REPS1: variants seen among roughly 807,000 people sequenced by gnomAD.
The protein encoded by REPS1 is ralBP1-associated Eps domain-containing protein 1.
A neutral mutation model predicts 100.9 loss-of-function variants in REPS1; 39 were observed. The observed-to-expected ratio is 0.39, with a 90% confidence interval of 0.30 to 0.50. REPS1 has a LOEUF of 0.50. REPS1 is among the 20% of genes least tolerant of loss of function. The pLI, the probability that REPS1 is intolerant of heterozygous loss-of-function variation, is 0.86. For missense variants in REPS1, 821 were observed against 968.5 expected (o/e 0.85, Z 2.02); for synonymous variants, 324 against 340.3 (o/e 0.95, Z 0.53).
intron 1 of REPS1, among the ~76,000 whole-genome samples, chr6:138,978,585 C>T (rs1784735146): frequency 6.6e-6 from 1 of 152,032 alleles, no homozygotes; most frequent in Non-Finnish European, 1.5e-5. Flanking sequence ...GCTAGGATTA[C>T]AGGCATAAGT....
chr6:138,926,786 A>G lies in REPS1; in HGVS notation c.1258-305T>C, dbSNP rs575945577. ...CAGGAGCAAAGTCTAAGTGATATAA[A>G]TGTCCACCAAGTAAAAATGCTAAAG... On this transcript the variant is annotated intron_variant, in intron 9 of 19. Coordinates refer to ENST00000450536, the MANE Select transcript of REPS1 (RefSeq NM_001286611.2). 8.1e-4 allele frequency: 161 copies of G among 199,850 alleles called. 1 individual carries two copies. Among genetic ancestry groups the G allele is most frequent in the African/African-American group, 3.6e-3 (153 of 43,012 alleles). The allele number at this position is 199,850 out of a possible 1,614,324, so 12.4% of individuals were successfully genotyped here. A position where few individuals can be genotyped will look rare whatever the true frequency, so the allele number is the denominator to read the frequency against.
rs71013004 is a variant in REPS1 at position 138,969,269 on chromosome 6, A to ATTTTTTTTTTTTTTTT, written c.153+18245_153+18260dup. 3.5e-3 allele frequency among the ~76,000 whole-genome samples: 262 copies of ATTTTTTTTTTTTTTTT among 74,242 alleles called. 35 individuals carry two copies. The highest frequency in any genetic ancestry group is 0.014 in the East Asian group (27 of 1,946). 48.7% of individuals were successfully genotyped at this position (74,242 alleles called of 152,430 possible). A position where few individuals can be genotyped will look rare whatever the true frequency, so the allele number is the denominator to read the frequency against. On this transcript the variant is annotated intron_variant, in intron 1 of 19. Coordinates refer to ENST00000450536, the MANE Select transcript of REPS1 (RefSeq NM_001286611.2). ...ACACAATCTATGATACAAAGCTGTA[A>ATTTTTTTTTTTTTTTT]TTTTTTTTTTTTTTTTTTTTTTTTT...
intron 1 of REPS1, among the ~76,000 whole-genome samples, chr6:138,983,703 A>G (rs765720746): frequency 1.3e-5 from 2 of 152,162 alleles, no homozygotes; most frequent in Non-Finnish European, 2.9e-5. Flanking sequence ...TACTGTACCA[A>G]CCAAGGTCCT....
At chr6:138,905,333 G>A (rs564473082) in intron 19 of REPS1, among the ~76,000 whole-genome samples, 18 of 152,242 alleles carry the variant, frequency 1.2e-4, no homozygotes, top group African/African-American at 3.1e-4. Context: ...CGCCCAGGCC[G>A]GACTGCGGAC....
chr6:138,947,290 A>G (rs1782698586), intron 2 of REPS1, among the ~76,000 whole-genome samples: 1 of 152,170 alleles, frequency 6.6e-6, no homozygotes, highest in Admixed American at 6.6e-5. Context: ...TAGTCTGCCA[A>G]TATTTTAATA....
chr6:138,949,616 C>T (rs1782866730), intron 1 of REPS1, among the ~76,000 whole-genome samples: 1 of 151,796 alleles, frequency 6.6e-6, no homozygotes, highest in South Asian at 2.1e-4. Flanking sequence ...ATTCTAAGTA[C>T]TCGGGGGGCT....
At chr6:138,906,602 A>G (rs574354665) in intron 19 of REPS1, among the ~76,000 whole-genome samples, 1 of 152,238 alleles carries the variant, frequency 6.6e-6, no homozygotes, top group Non-Finnish European at 1.5e-5. Context: ...GGACAGTGTA[A>G]TAAATGCTAA....
At chr6:138,906,412 T>C (rs1272536638) in intron 19 of REPS1, among the ~76,000 whole-genome samples, 2 of 152,198 alleles carry the variant, frequency 1.3e-5, no homozygotes, top group Non-Finnish European at 2.9e-5. Flanking sequence ...ACAATCCCAG[T>C]TTATACCCAG....
intron 10 of REPS1, among the ~76,000 whole-genome samples, chr6:138,925,514 GATC>G (rs1256432174): frequency 2.6e-5 from 4 of 152,284 alleles, no homozygotes; most frequent in East Asian, 1.9e-4. Context: ...TCTTTGATCA[GATC>G]ATCTAGAAAG....
rs970425740 is a variant in REPS1, at chr6:138,987,907, CGCGGCTGCGGCT to C, written c.-237_-226del. 12 of 399,980 alleles carry C rather than the reference CGCGGCTGCGGCT, an allele frequency of 3.0e-5. No homozygotes were observed. Among genetic ancestry groups the C allele is most frequent in the Non-Finnish European group, 4.6e-5 (11 of 237,072 alleles). 24.8% of individuals were successfully genotyped at this position (399,980 alleles called of 1,614,324 possible). A position where few individuals can be genotyped will look rare whatever the true frequency, so the allele number is the denominator to read the frequency against. On this transcript the variant is annotated 5_prime_UTR_variant, in exon 1 of 20. Coordinates refer to ENST00000450536, the MANE Select transcript of REPS1 (RefSeq NM_001286611.2). The stretch of plus-strand genomic sequence containing the variant: ...GCGCCGCTGCCTGCGAGGCCCGGCG[CGCGGCTGCGGCT>C]GCGGCTGCGACTACGGCTCCGGCTC...
rs1459853628 is a variant in REPS1 at position 138,911,046 on chromosome 6, G to A, written c.2067+230C>T. On this transcript the variant is annotated intron_variant, in intron 17 of 19. Coordinates refer to ENST00000450536, the MANE Select transcript of REPS1 (RefSeq NM_001286611.2). ...AAAGAAGTTCTACCTTATATAGTGGGAAGAATGCAATAACCACTTAAATTT... is the reference window on the plus strand; with the variant it reads ...AAAGAAGTTCTACCTTATATAGTGGAAAGAATGCAATAACCACTTAAATTT... 5 of 406,800 alleles carry A rather than the reference G, an allele frequency of 1.2e-5. No individual in the cohort carries two copies. In the Admixed American group the frequency reaches 1.6e-4, roughly 13 times the overall value. The allele number at this position is 406,800 out of a possible 1,614,324, so 25.2% of individuals were successfully genotyped here.
chr6:138,934,657 A>G (rs1447026642), intron 8 of REPS1, among the ~76,000 whole-genome samples: 1 of 152,180 alleles, frequency 6.6e-6, no homozygotes, highest in Non-Finnish European at 1.5e-5. Context: ...ATTATACTTG[A>G]TATACTAAAA....
In REPS1 at chr6:138,987,097, C is replaced by T. The variant is rs368271033; in HGVS notation, c.153+433G>A. ...TCGATTCCTAAATCTATAGAACTCACTTTATCACGTCTTCTCGGTTAATCC... is the reference window on the plus strand; with the variant it reads ...TCGATTCCTAAATCTATAGAACTCATTTTATCACGTCTTCTCGGTTAATCC... On this transcript the variant is annotated intron_variant, in intron 1 of 19. Coordinates refer to ENST00000450536, the MANE Select transcript of REPS1 (RefSeq NM_001286611.2). 2.0e-5 allele frequency among the ~76,000 whole-genome samples: 3 copies of T among 152,300 alleles called. 1 individual carries two copies.
intron 8 of REPS1, 25 bp from the exon 9 acceptor site, chr6:138,930,123 C>T (rs148131311): frequency 6.7e-5 from 107 of 1,606,034 alleles, no homozygotes; most frequent in Middle Eastern, 5.0e-4. Flanking sequence ...TAGAGAAATT[C>T]TCTATAAAGA....
chr6:138,921,148 A>T (rs1234026975), intron 10 of REPS1, 24 bp from the exon 11 acceptor site: 1 of 1,455,324 alleles, frequency 6.9e-7, no homozygotes, highest in African/African-American at 1.4e-5. Context: ...GGAGGAAATA[A>T]AGAATTTGTA....
intron 8 of REPS1, among the ~76,000 whole-genome samples, chr6:138,930,528 C>T (rs1016963783): frequency 3.9e-5 from 6 of 151,976 alleles, no homozygotes; most frequent in Non-Finnish European, 8.8e-5. Context: ...TTGGAGCATC[C>T]GTATGCACAT....
At chr6:138,909,835 C>CTAT (rs1779893483) in intron 17 of REPS1, among the ~76,000 whole-genome samples, 1 of 152,084 alleles carries the variant, frequency 6.6e-6, no homozygotes, top group South Asian at 2.1e-4. Context: ...CAGGTGGTAT[C>CTAT]TTTATAGCAG....
chr6:138,948,174 G>A (rs1782761258), intron 1 of REPS1, among the ~76,000 whole-genome samples: 2 of 152,096 alleles, frequency 1.3e-5, no homozygotes, highest in Non-Finnish European at 1.5e-5. Flanking sequence ...TTTTTGTTAT[G>A]AGTCACATTT....
chr6:138,946,545 A>T (rs1181633944), intron 2 of REPS1, among the ~76,000 whole-genome samples: 1 of 152,186 alleles, frequency 6.6e-6, no homozygotes, highest in Non-Finnish European at 1.5e-5. Flanking sequence ...ATGTAAAAGA[A>T]TTCAAAATTA....
Sources: gnomAD v4.1 joint callset for allele counts (sites outside exome capture counted in the v4.1 genomes callset) on GRCh38, gnomAD v4.1.1 for gene constraint, MANE v1.5 for transcripts, NCBI Gene and HGNC (gene_info 2026-07-23, HGNC 2026-07-21) for gene names.